Variants in CNTN1 observed in about 807,000 individuals in gnomAD.
CNTN1 encodes the protein contactin 1, also known as contactin-1.
Under a neutral mutation model 126.4 loss-of-function variants are expected in CNTN1, and 38 were observed. The ratio of observed to expected loss-of-function variants is 0.30; its 90% CI spans 0.23 to 0.39. The LOEUF (loss-of-function observed/expected upper bound fraction) is 0.39. Ranked by LOEUF, CNTN1 falls within the 10% of genes least tolerant of loss-of-function variation. The pLI is 1.00. For synonymous variants in CNTN1, 413 were observed against 422.6 expected (o/e 0.98, Z 0.28); for missense variants, 1,009 against 1,248.4 (o/e 0.81, Z 2.89).
intron 1 of CNTN1, among the ~76,000 whole-genome samples, chr12:40,757,615 C>T (rs1250301040): frequency 3.9e-5 from 6 of 152,060 alleles, no homozygotes; most frequent in Admixed American, 6.6e-5. Context: ...TTTCAGCTTC[C>T]ACTATGCTGT....
chr12:40,777,207 A>G (rs1478741530), intron 1 of CNTN1, among the ~76,000 whole-genome samples: 1 of 151,286 alleles, frequency 6.6e-6, no homozygotes, highest in Non-Finnish European at 1.5e-5. Context: ...CTAGTCAACC[A>G]TGCTAGGATA....
chr12:40,734,961 G>A (rs1430403853), intron 1 of CNTN1, among the ~76,000 whole-genome samples: 1 of 152,078 alleles, frequency 6.6e-6, no homozygotes, highest in Non-Finnish European at 1.5e-5. Flanking sequence ...AAAGCATGAT[G>A]TGCAACAGAG....
At chr12:40,948,715 T>A (rs1031879772) in intron 14 of CNTN1, among the ~76,000 whole-genome samples, 1 of 152,224 alleles carries the variant, frequency 6.6e-6, no homozygotes, top group South Asian at 2.1e-4. Flanking sequence ...AATTCTCCCA[T>A]AAGTATTTGA....
chr12:40,872,575 T>C lies in CNTN1; in HGVS notation c.-76-35782T>C, dbSNP rs34480545. ...TGTACTAAGCATTTTTTCTTTCTTT[T>C]TTTTTTTTTTTTTTTGAGATGGAGT... On this transcript the variant is annotated intron_variant, in intron 1 of 23. Coordinates refer to ENST00000551295, the MANE Select transcript of CNTN1 (RefSeq NM_001843.4). Among the ~76,000 whole-genome samples the C allele has an allele frequency of 1.5e-3, 177 of 115,690 alleles. 1 individual carries two copies. The highest frequency in any genetic ancestry group is 3.8e-3 in the African/African-American group (135 of 35,746). 75.9% of individuals were successfully genotyped at this position (115,690 alleles called of 152,430 possible).
chr12:40,737,836 T>C (rs1937763664), intron 1 of CNTN1, among the ~76,000 whole-genome samples: 1 of 151,904 alleles, frequency 6.6e-6, no homozygotes, highest in African/African-American at 2.4e-5. Context: ...CAATAGAACT[T>C]GAAACAAAGA....
intron 7 of CNTN1, 79 bp from the exon 8 acceptor site, chr12:40,933,382 C>A: frequency 3.0e-6 from 3 of 997,530 alleles, no homozygotes; most frequent in Non-Finnish European, 4.8e-6. Context: ...CAGCTCTAAT[C>A]CTGTAGAATT....
chr12:40,863,554 CT>C (rs1943185102), intron 1 of CNTN1, among the ~76,000 whole-genome samples: 1 of 152,124 alleles, frequency 6.6e-6, no homozygotes, highest in Non-Finnish European at 1.5e-5. Flanking sequence ...TCCCCAGCCC[CT>C]GGGCAGTAGA....
At position 41,010,845 on chromosome 12, in the gene CNTN1, C is replaced by T. The variant is rs908757199; in HGVS notation, c.2114-3383C>T. 5.3e-5 allele frequency among the ~76,000 whole-genome samples: 8 copies of T among 150,558 alleles called. No individual in the cohort carries two copies. In the East Asian group the frequency reaches 7.7e-4, roughly 15 times the overall value. On this transcript the variant is annotated intron_variant, in intron 17 of 23. Coordinates refer to ENST00000551295, the MANE Select transcript of CNTN1 (RefSeq NM_001843.4). ...CTTTTCCATCCATCTGTGGCATCACCGGTGTTCCAACTAGGGTTTGTTTTT... is the reference window on the plus strand; with the variant it reads ...CTTTTCCATCCATCTGTGGCATCACTGGTGTTCCAACTAGGGTTTGTTTTT...
At chr12:40,946,150 C>A (rs2136958675) in intron 14 of CNTN1, among the ~76,000 whole-genome samples, 1 of 152,252 alleles carries the variant, frequency 6.6e-6, no homozygotes, top group South Asian at 2.1e-4. Flanking sequence ...ACTAATGAAG[C>A]TATCCCTGGC....
intron 1 of CNTN1, among the ~76,000 whole-genome samples, chr12:40,808,331 GA>G (rs1432024910): frequency 6.6e-6 from 1 of 152,148 alleles, no homozygotes; most frequent in Non-Finnish European, 1.5e-5. Flanking sequence ...AGGGAAAAGA[GA>G]AAACCCTAAT....
At chr12:41,066,055 C>T (rs117243315) in intron 23 of CNTN1, among the ~76,000 whole-genome samples, 2,150 of 152,230 alleles carry the variant, frequency 0.014, 155 homozygotes, top group Admixed American at 0.11. Context: ...GGGGAATCAA[C>T]CATCTAATAA....
At chr12:41,062,371 G>A (rs962588277) in intron 23 of CNTN1, among the ~76,000 whole-genome samples, 33 of 152,254 alleles carry the variant, frequency 2.2e-4, no homozygotes, top group South Asian at 4.1e-4. Flanking sequence ...AATTACAGCA[G>A]TGTTACTGAA....
intron 1 of CNTN1, among the ~76,000 whole-genome samples, chr12:40,707,742 T>A (rs1333236407): frequency 6.6e-6 from 1 of 152,180 alleles, no homozygotes; most frequent in Non-Finnish European, 1.5e-5. Flanking sequence ...AGTGTTTCAT[T>A]GTGAGATGAA....
intron 1 of CNTN1, among the ~76,000 whole-genome samples, chr12:40,847,292 C>T (rs1012574903): frequency 7.9e-5 from 12 of 152,136 alleles, no homozygotes; most frequent in Non-Finnish European, 1.5e-4. Context: ...TGGTTAACTT[C>T]CAGGGATCCT....
intron 1 of CNTN1, among the ~76,000 whole-genome samples, chr12:40,699,798 G>A (rs1402293863): frequency 6.6e-6 from 1 of 151,948 alleles, no homozygotes; most frequent in Non-Finnish European, 1.5e-5. Context: ...TTTGCCCAAG[G>A]TTACACGTTA....
intron 19 of CNTN1, among the ~76,000 whole-genome samples, chr12:41,019,945 A>G (rs112318033): frequency 2.4e-4 from 37 of 152,284 alleles, no homozygotes; most frequent in African/African-American, 8.2e-4. Context: ...TAATAATTTT[A>G]ATTTGCATCA....
In CNTN1 at chr12:41,060,024, A is replaced by C. The variant is rs570933815; in HGVS notation, c.2981-9935A>C. Reference sequence around the variant, plus strand: ...AGGCAACTGAGTGAGTTTGTCGGAAAAAAAAAATGAACAGATATTTGTTAA... The same window carrying C: ...AGGCAACTGAGTGAGTTTGTCGGAACAAAAAAATGAACAGATATTTGTTAA... On this transcript the variant is annotated intron_variant, in intron 23 of 23. Transcript: ENST00000551295. 2.0e-5 allele frequency among the ~76,000 whole-genome samples: 3 copies of C among 152,282 alleles called. No homozygotes were observed. In the East Asian group the frequency reaches 5.8e-4, roughly 29 times the overall value.
intron 1 of CNTN1, among the ~76,000 whole-genome samples, chr12:40,714,123 C>G (rs553938922): frequency 7.9e-5 from 12 of 152,036 alleles, no homozygotes; most frequent in African/African-American, 1.9e-4. Flanking sequence ...AAAGAACTTA[C>G]AATTGGAATT....
intron 5 of CNTN1, among the ~76,000 whole-genome samples, chr12:40,924,082 C>G (rs986072106): frequency 2.0e-5 from 3 of 152,116 alleles, no homozygotes; most frequent in African/African-American, 7.2e-5. Flanking sequence ...CTTTCACGTT[C>G]CCTAATGAGG....
Sources: gnomAD v4.1 joint callset for allele counts (sites outside exome capture counted in the v4.1 genomes callset) on GRCh38, gnomAD v4.1.1 for gene constraint, MANE v1.5 for transcripts, NCBI Gene and HGNC (gene_info 2026-07-23, HGNC 2026-07-21) for gene names.